SLC25A26: variants seen among roughly 807,000 people sequenced by gnomAD.
SLC25A26 encodes mitochondrial S-adenosylmethionine carrier protein.
In SLC25A26, 36 loss-of-function variants were observed where a neutral mutation model predicts 37.8. That is an observed-to-expected ratio of 0.95 (90% CI 0.73 to 1.26). The LOEUF is 1.26. Among genes scored for constraint, SLC25A26 ranks in the 50% most tolerant of loss-of-function variants. The pLI is 0.00. For missense variants in SLC25A26, 390 were observed against 331.1 expected (o/e 1.18, Z -1.38); for synonymous variants, 129 against 122.5 (o/e 1.05, Z -0.35).
chr3:66,191,414 C>A (rs2070939685), intron 1 of SLC25A26, among the ~76,000 whole-genome samples: 2 of 151,796 alleles, frequency 1.3e-5, no homozygotes, highest in African/African-American at 4.8e-5. Context: ...CACACGCACA[C>A]AGAATCTGTA....
At chr3:66,188,874 C>T (rs929672147) in intron 1 of SLC25A26, among the ~76,000 whole-genome samples, 2 of 151,938 alleles carry the variant, frequency 1.3e-5, no homozygotes, top group East Asian at 3.9e-4. Flanking sequence ...AACCTGATGC[C>T]CTAGCCTTGA....
intron 5 of SLC25A26, among the ~76,000 whole-genome samples, chr3:66,295,317 G>T (rs1305147553): frequency 2.0e-5 from 3 of 152,038 alleles, no homozygotes; most frequent in Admixed American, 6.6e-5. Context: ...TCTGCCTCCC[G>T]GGTTCAAGCA....
intron 1 of SLC25A26, among the ~76,000 whole-genome samples, chr3:66,178,418 A>C (rs1203916988): frequency 6.6e-6 from 1 of 152,152 alleles, no homozygotes; most frequent in Non-Finnish European, 1.5e-5. Flanking sequence ...CTCCTGGGGC[A>C]GCGTTTCTGG....
At position 66,228,912 on chromosome 3, in the gene SLC25A26, C is replaced by T. The variant is rs145953915; in HGVS notation, c.34-7632C>T. Among the ~76,000 whole-genome samples the T allele has an allele frequency of 3.0e-3, 452 of 152,306 alleles. 3 individuals are homozygous for T. Among genetic ancestry groups the T allele is most frequent in the African/African-American group, 0.011 (438 of 41,562 alleles). On this transcript the variant is annotated intron_variant, in intron 1 of 9. Transcript: ENST00000354883. ...ATTTGGTTTCTGTTGAGTCAGTTCA[C>T]TGGGGATTCTTGTCCAGAGAGCAGA...
intron 3 of SLC25A26, among the ~76,000 whole-genome samples, chr3:66,253,720 A>C (rs1018613754): frequency 3.3e-5 from 5 of 152,124 alleles, no homozygotes; most frequent in Non-Finnish European, 7.4e-5. Context: ...TAAGCCACTA[A>C]ATGTGTGGTG....
Position 66,352,436 on chromosome 3 carries a change from TTTTTTG to T in SLC25A26, c.498+6034_498+6039del, listed in dbSNP as rs1257640038. ...GCCTCCCCTCGTTTTTTGTTTTTTG[TTTTTTG>T]TTTTTTTTTTTGAGATGTACCAAGG... On this transcript the variant is annotated intron_variant, in intron 6 of 9. Coordinates refer to ENST00000354883, the MANE Select transcript of SLC25A26 (RefSeq NM_001379210.1). Among the ~76,000 whole-genome samples, 78 of 133,502 alleles carry T rather than the reference TTTTTTG, an allele frequency of 5.8e-4. 2 individuals carry two copies. The highest frequency in any genetic ancestry group is 2.0e-3 in the African/African-American group (64 of 32,796). The allele number at this position is 133,502 out of a possible 152,430, so 87.6% of individuals were successfully genotyped here. A position where few individuals can be genotyped will look rare whatever the true frequency, so the allele number is the denominator to read the frequency against.
intron 2 of SLC25A26, among the ~76,000 whole-genome samples, chr3:66,240,931 A>G (rs926514185): frequency 2.6e-4 from 40 of 151,962 alleles, no homozygotes; most frequent in African/African-American, 9.4e-4. Context: ...TATTTTTAGT[A>G]GAGACGGGGT....
chr3:66,256,896 G>T (rs1396575915), intron 3 of SLC25A26, among the ~76,000 whole-genome samples: 2 of 152,124 alleles, frequency 1.3e-5, no homozygotes, highest in African/African-American at 4.8e-5. Context: ...CTGTTTCTAT[G>T]TATATTTATA....
chr3:66,167,086 G>A (rs1226691665), intron 1 of SLC25A26, among the ~76,000 whole-genome samples: 1 of 152,204 alleles, frequency 6.6e-6, no homozygotes, highest in East Asian at 1.9e-4. Context: ...ACGTGGAGCT[G>A]TGACTCCATT....
At chr3:66,210,882 G>T (rs1240976278) in intron 1 of SLC25A26, among the ~76,000 whole-genome samples, 1 of 152,160 alleles carries the variant, frequency 6.6e-6, no homozygotes, top group Non-Finnish European at 1.5e-5. Flanking sequence ...CGTGACTGGC[G>T]AGCTATGAAG....
At chr3:66,187,527 C>T (rs888027532) in intron 1 of SLC25A26, among the ~76,000 whole-genome samples, 468 of 152,174 alleles carry the variant, frequency 3.1e-3, no homozygotes, top group African/African-American at 0.011. Context: ...CCCTGATATT[C>T]ATGCTATCAC....
chr3:66,181,465 C>A (rs903694025), intron 1 of SLC25A26, among the ~76,000 whole-genome samples: 1 of 152,140 alleles, frequency 6.6e-6, no homozygotes, highest in Non-Finnish European at 1.5e-5. Flanking sequence ...GCAAACGGCA[C>A]CCTAAAAAAT....
intron 1 of SLC25A26, among the ~76,000 whole-genome samples, chr3:66,148,643 G>T (rs1411479619): frequency 6.6e-6 from 1 of 152,236 alleles, no homozygotes; most frequent in African/African-American, 2.4e-5. Context: ...TACATTCTCA[G>T]CTGTGAGTTA....
At chr3:66,157,420 T>C (rs1044087412) in intron 1 of SLC25A26, among the ~76,000 whole-genome samples, 1 of 152,190 alleles carries the variant, frequency 6.6e-6, no homozygotes, top group Non-Finnish European at 1.5e-5. Flanking sequence ...TGAGACTCCA[T>C]CTCTATTAAA....
intron 5 of SLC25A26, among the ~76,000 whole-genome samples, chr3:66,291,269 A>G (rs2074695912): frequency 6.6e-6 from 1 of 152,022 alleles, no homozygotes; most frequent in East Asian, 1.9e-4. Context: ...CAGCTCCTAA[A>G]TTAATTGTGT....
chr3:66,264,164 C>A (rs147849642), intron 5 of SLC25A26, among the ~76,000 whole-genome samples: 192 of 149,162 alleles, frequency 1.3e-3, no homozygotes, highest in Non-Finnish European at 2.2e-3. Context: ...CCCAGTTACT[C>A]GGGAGGCTGA....
intron 1 of SLC25A26, among the ~76,000 whole-genome samples, chr3:66,184,375 G>A (rs1044249358): frequency 6.6e-6 from 1 of 151,644 alleles, no homozygotes; most frequent in African/African-American, 2.4e-5. Context: ...CCCTGACCCA[G>A]ACCATCACCC....
chr3:66,302,682 T>G (rs573818090), intron 5 of SLC25A26, among the ~76,000 whole-genome samples: 2 of 152,196 alleles, frequency 1.3e-5, no homozygotes, highest in Non-Finnish European at 2.9e-5. Context: ...TAATAGTGTT[T>G]TGGCTTTGTC....
In SLC25A26 at chr3:66,234,758, C is replaced by T. The variant is rs36191084; in HGVS notation, c.34-1786C>T. On this transcript the variant is annotated intron_variant, in intron 1 of 9. Transcript: ENST00000354883. Reference sequence around the variant, plus strand: ...TGTAGCATTGCACATTTTGTAAACTCGAAGGATGGAAACAATCAGTTTGAA... The same window carrying T: ...TGTAGCATTGCACATTTTGTAAACTTGAAGGATGGAAACAATCAGTTTGAA... Among the ~76,000 whole-genome samples, 765 of 152,120 alleles carry T rather than the reference C, an allele frequency of 5.0e-3. 5 individuals carry two copies. Among genetic ancestry groups the T allele is most frequent in the Non-Finnish European group, 8.2e-3 (556 of 67,976 alleles).
Sources: gnomAD v4.1 joint callset for allele counts (sites outside exome capture counted in the v4.1 genomes callset) on GRCh38, gnomAD v4.1.1 for gene constraint, MANE v1.5 for transcripts, NCBI Gene and HGNC (gene_info 2026-07-23, HGNC 2026-07-21) for gene names.